LPP: variants seen among roughly 807,000 people sequenced by gnomAD.
LPP encodes the protein LIM domain containing preferred translocation partner in lipoma, also known as lipoma-preferred partner.
A neutral mutation model predicts 60.4 loss-of-function variants in LPP; 38 were observed. The observed-to-expected ratio is 0.63, with a 90% confidence interval of 0.49 to 0.83. The LOEUF (loss-of-function observed/expected upper bound fraction) is 0.83. Among genes scored for constraint, LPP ranks in the 40% least tolerant of loss-of-function variants. LPP has a pLI of 0.00. For missense variants in LPP, 902 were observed against 783.6 expected, an observed-to-expected ratio of 1.15 and a Z score of -1.80; for synonymous variants, 328 against 290.8, an observed-to-expected ratio of 1.13 and a Z score of -1.30.
At chr3:188,424,042 C>A (rs1788618287) in intron 4 of LPP, among the ~76,000 whole-genome samples, 1 of 152,086 alleles carries the variant, frequency 6.6e-6, no homozygotes, top group Non-Finnish European at 1.5e-5. Context: ...TTCCTATGTC[C>A]TGAATGGTAT....
intron 7 of LPP, among the ~76,000 whole-genome samples, chr3:188,673,581 TTCAGGTA>T (rs1392058410): frequency 1.3e-5 from 2 of 152,134 alleles, no homozygotes; most frequent in Non-Finnish European, 2.9e-5. Context: ...TTTTTCAGGA[TTCAGGTA>T]TCAGCTAAGA....
chr3:188,429,183 G>T (rs1030885284), intron 4 of LPP, among the ~76,000 whole-genome samples: 9 of 152,042 alleles, frequency 5.9e-5, no homozygotes, highest in African/African-American at 1.4e-4. Flanking sequence ...TATTATTATT[G>T]AATAAGTAAT....
intron 1 of LPP, among the ~76,000 whole-genome samples, chr3:188,155,278 G>C (rs950279471): frequency 6.6e-6 from 1 of 152,048 alleles, no homozygotes; most frequent in Admixed American, 6.5e-5. Context: ...AACAACTAGC[G>C]AGAACTCAGG....
intron 4 of LPP, among the ~76,000 whole-genome samples, chr3:188,436,562 G>A (rs1019893625): frequency 6.6e-6 from 1 of 151,990 alleles, no homozygotes; most frequent in Non-Finnish European, 1.5e-5. Flanking sequence ...TATTTACTTA[G>A]GACCCGATAT....
At chr3:188,629,172 C>G (rs867189162) in intron 7 of LPP, among the ~76,000 whole-genome samples, 2 of 152,122 alleles carry the variant, frequency 1.3e-5, no homozygotes, top group South Asian at 4.1e-4. Context: ...AAGCTGGAAG[C>G]ACTCCCCTTG....
intron 5 of LPP, 132 bp downstream of exon 5, chr3:188,484,836 A>G: frequency 1.5e-6 from 1 of 660,950 alleles, no homozygotes; most frequent in East Asian, 2.6e-5. Flanking sequence ...GCCTATTGAG[A>G]GCTTTACAAC....
intron 5 of LPP, among the ~76,000 whole-genome samples, chr3:188,521,910 A>G (rs1413157688): frequency 6.6e-6 from 1 of 152,236 alleles, no homozygotes; most frequent in Non-Finnish European, 1.5e-5. Flanking sequence ...TCTGCGCACA[A>G]GAGGATCAAC....
Position 188,609,517 on chromosome 3 carries a change from T to C in LPP, c.786T>C (p.Cys262=), listed in dbSNP as rs759156954. 4.3e-6 allele frequency: 7 copies of C among 1,614,004 alleles called. No individual in the cohort carries two copies. The highest frequency in any genetic ancestry group is 1.7e-4 in the Middle Eastern group (1 of 6,058). ...NTQPVPVSGQ[C]PPPSTRGGMD... ...AGCCAGTTCCTGTCTCTGGGCAGTG[T>C]CCACCTCCTTCAACACGGGGAGGCA... The change falls in exon 7 of 12, where the codon TGT becomes TGC. Residue 262 remains cysteine (C), a synonymous_variant. Coordinates refer to ENST00000617246, the MANE Select transcript of LPP (RefSeq NM_001375462.1). This position sits in a 1 kb window ranked among gnomAD's most constrained non-coding sequence, Gnocchi z 6.9.
intron 5 of LPP, among the ~76,000 whole-genome samples, chr3:188,509,688 C>T (rs866620599): frequency 1.7e-5 from 1 of 58,012 alleles, no homozygotes. Flanking sequence ...CTTCCTTCCT[C>T]TCTCTCTCTC....
intron 9 of LPP, among the ~76,000 whole-genome samples, chr3:188,760,578 TG>T (rs1466992655): frequency 6.6e-6 from 1 of 152,232 alleles, no homozygotes; most frequent in Admixed American, 6.5e-5. Context: ...CTTTCTAGCA[TG>T]TATGTACAAG....
intron 5 of LPP, among the ~76,000 whole-genome samples, chr3:188,519,289 C>A (rs968879186): frequency 6.6e-6 from 1 of 152,172 alleles, no homozygotes; most frequent in Non-Finnish European, 1.5e-5. Context: ...AGGGATGTGG[C>A]CTCACGCATG....
At chr3:188,780,716 C>G (rs1479282025) in intron 9 of LPP, among the ~76,000 whole-genome samples, 1 of 152,196 alleles carries the variant, frequency 6.6e-6, no homozygotes, top group African/African-American at 2.4e-5. Context: ...CATCCCCCCT[C>G]AGGATCCCAC....
intron 3 of LPP, among the ~76,000 whole-genome samples, chr3:188,380,481 T>C (rs988412045): frequency 1.3e-5 from 2 of 152,242 alleles, no homozygotes; most frequent in Admixed American, 6.5e-5. Flanking sequence ...GCCTTGAGTA[T>C]GTCCCTTATG....
chr3:188,544,504 T>G (rs1171769479), intron 6 of LPP, among the ~76,000 whole-genome samples: 1 of 150,776 alleles, frequency 6.6e-6, no homozygotes, highest in African/African-American at 2.4e-5. Flanking sequence ...CATGAAAAAA[T>G]GCTCATCATC....
intron 6 of LPP, among the ~76,000 whole-genome samples, chr3:188,576,286 C>T (rs1235776483): frequency 6.6e-6 from 1 of 152,064 alleles, no homozygotes; most frequent in African/African-American, 2.4e-5. Flanking sequence ...CACTGTTGAA[C>T]TGAGTGGTAC....
chr3:188,804,988 T>C (rs1161652606), intron 9 of LPP, among the ~76,000 whole-genome samples: 1 of 152,036 alleles, frequency 6.6e-6, no homozygotes, highest in Non-Finnish European at 1.5e-5. Context: ...GTTCATATGG[T>C]AGGTAACACT....
rs1223891205 is a variant in LPP, at chr3:188,368,002, A to G, written c.-10+26283A>G. ...GTGAAATATAAAGTCATTTGGGCTA[A>G]ACTGTAGACCTCCATCTGCCCTCCC... On this transcript the variant is annotated intron_variant, in intron 3 of 11. Coordinates refer to ENST00000617246, the MANE Select transcript of LPP (RefSeq NM_001375462.1). 4.6e-5 allele frequency among the ~76,000 whole-genome samples: 7 copies of G among 152,342 alleles called. No individual in the cohort carries two copies. In the East Asian group the frequency reaches 1.4e-3, roughly 29 times the overall value.
chr3:188,203,550 T>TA (rs1732101214), intron 1 of LPP, among the ~76,000 whole-genome samples: 4 of 83,888 alleles, frequency 4.8e-5, no homozygotes, highest in Non-Finnish European at 6.3e-5. Context: ...TATATATATA[T>TA]TTTTAAATAT....
At chr3:188,783,945 G>T (rs1740690691) in intron 9 of LPP, among the ~76,000 whole-genome samples, 1 of 151,910 alleles carries the variant, frequency 6.6e-6, no homozygotes, top group Non-Finnish European at 1.5e-5. Context: ...TTTTCAATAG[G>T]TTATTGGGGG....
Sources: allele counts gnomAD v4.1 joint callset (sites outside exome capture counted in the v4.1 genomes callset), GRCh38; gene constraint gnomAD v4.1.1; non-coding constraint Gnocchi (gnomAD v3.1); transcripts MANE v1.5; gene names NCBI Gene and HGNC (gene_info 2026-07-23, HGNC 2026-07-21).